The following CATSPERB variants were observed in gnomAD, a reference collection of about 807,000 sequenced individuals.
CATSPERB encodes catsper channel auxiliary subunit beta.
Under a neutral mutation model 128.3 loss-of-function variants are expected in CATSPERB, and 93 were observed. That is an observed-to-expected ratio of 0.72 (90% CI 0.61 to 0.86). The LOEUF (loss-of-function observed/expected upper bound fraction) is 0.86, where lower values mean the gene tolerates loss of function less well. CATSPERB is among the 40% of genes least tolerant of loss of function. The pLI is 0.00. For missense variants in CATSPERB, 1,153 were observed against 1,329.5 expected (o/e 0.87, Z 2.06); for synonymous variants, 381 against 448.8 (o/e 0.85, Z 1.91).
chr14:91,587,390 C>A, intron 25 of CATSPERB, 114 bp from the exon 26 acceptor site: 1 of 577,770 alleles, frequency 1.7e-6, no homozygotes, highest in South Asian at 3.9e-5. Context: ...TGAAAAGATT[C>A]CCATCCTCTT....
At chr14:91,725,918 G>C (rs1800113142) in intron 2 of CATSPERB, among the ~76,000 whole-genome samples, 1 of 152,150 alleles carries the variant, frequency 6.6e-6, no homozygotes, top group Non-Finnish European at 1.5e-5. Flanking sequence ...AGGCCTCAGA[G>C]CAGACTAGTA....
intron 23 of CATSPERB, among the ~76,000 whole-genome samples, chr14:91,590,045 C>T (rs1205501603): frequency 4.6e-5 from 7 of 152,112 alleles, no homozygotes; most frequent in African/African-American, 7.2e-5. Flanking sequence ...TGGGCTCTGG[C>T]GTCAGAACTC....
chr14:91,663,794 C>T, intron 14 of CATSPERB, among the ~76,000 whole-genome samples: 1 of 151,986 alleles, frequency 6.6e-6, no homozygotes, highest in South Asian at 2.1e-4. Context: ...GTAAAAAACA[C>T]ATATCATAAA....
chr14:91,698,150 G>A (rs1185185125), intron 7 of CATSPERB, among the ~76,000 whole-genome samples: 1 of 152,030 alleles, frequency 6.6e-6, no homozygotes, highest in East Asian at 1.9e-4. Context: ...TTGTAAATGG[G>A]ATTGTGCTCT....
intron 15 of CATSPERB, among the ~76,000 whole-genome samples, chr14:91,650,493 A>G (rs1365035033): frequency 1.3e-5 from 2 of 152,214 alleles, no homozygotes; most frequent in African/African-American, 4.8e-5. Context: ...TGGAGGTTCT[A>G]TATTAGAATA....
chr14:91,612,431 A>G (rs1364536512), intron 20 of CATSPERB, among the ~76,000 whole-genome samples: 1 of 152,202 alleles, frequency 6.6e-6, no homozygotes, highest in Non-Finnish European at 1.5e-5. Flanking sequence ...GAACAGAGGT[A>G]TGAGCCACCA....
intron 7 of CATSPERB, among the ~76,000 whole-genome samples, chr14:91,702,105 G>A (rs374787915): frequency 3.3e-5 from 5 of 151,886 alleles, no homozygotes; most frequent in African/African-American, 4.8e-5. Context: ...TAAGACTGGC[G>A]CTTCTCTCCC....
intron 19 of CATSPERB, among the ~76,000 whole-genome samples, chr14:91,618,121 CTTTTT>C (rs2139784415): frequency 6.6e-6 from 1 of 152,210 alleles, no homozygotes; most frequent in African/African-American, 2.4e-5. Flanking sequence ...CATGCCTCCC[CTTTTT>C]AGACTATATA....
chr14:91,708,522 T>C (rs1416445409), intron 5 of CATSPERB, among the ~76,000 whole-genome samples: 1 of 152,174 alleles, frequency 6.6e-6, no homozygotes, highest in East Asian at 1.9e-4. Flanking sequence ...AAAAGCAAAT[T>C]GTGACTCTTC....
At chr14:91,625,030 A>G (rs775885068) in intron 17 of CATSPERB, 23 bp from the exon 18 acceptor site, 27 of 1,502,778 alleles carry the variant, frequency 1.8e-5, no homozygotes, top group Non-Finnish European at 2.3e-5. Context: ...AAAACCATTA[A>G]GCAATTTGGA....
chr14:91,715,424 C>T (rs548989467), intron 5 of CATSPERB, among the ~76,000 whole-genome samples: 3 of 151,642 alleles, frequency 2.0e-5, no homozygotes, highest in Admixed American at 6.6e-5. Flanking sequence ...ATTAGCCAGG[C>T]GCCTGTAATC....
intron 6 of CATSPERB, among the ~76,000 whole-genome samples, chr14:91,707,178 T>C (rs1471113030): frequency 1.3e-5 from 2 of 152,260 alleles, no homozygotes; most frequent in Admixed American, 1.3e-4. Flanking sequence ...TCATTTACTA[T>C]GCTTCAGCAA....
chr14:91,715,478 G>A (rs1895922243), intron 5 of CATSPERB, among the ~76,000 whole-genome samples: 1 of 151,162 alleles, frequency 6.6e-6, no homozygotes, highest in African/African-American at 2.4e-5. Flanking sequence ...CTTGAACTCG[G>A]GAGGCGGAGG....
intron 5 of CATSPERB, chr14:91,715,063 T>A (rs1285543310): frequency 3.3e-5 from 5 of 151,748 alleles, no homozygotes; most frequent in Non-Finnish European, 2.9e-5. Context: ...TGGTTTCCGG[T>A]GCTCTACACA....
chr14:91,594,286 A>T (rs1054659084), intron 22 of CATSPERB, among the ~76,000 whole-genome samples: 2 of 151,062 alleles, frequency 1.3e-5, no homozygotes, highest in Admixed American at 6.6e-5. Flanking sequence ...ATGAGAACAC[A>T]TGGACACAGG....
At chr14:91,669,202 T>G (rs1287232695) in intron 14 of CATSPERB, among the ~76,000 whole-genome samples, 21 of 152,228 alleles carry the variant, frequency 1.4e-4, no homozygotes. Flanking sequence ...AATATAGATA[T>G]TTGAGAAACT....
At chr14:91,688,079 T>G (rs1595179420) in intron 10 of CATSPERB, among the ~76,000 whole-genome samples, 1 of 152,204 alleles carries the variant, frequency 6.6e-6, no homozygotes, top group East Asian at 1.9e-4. Context: ...AGTCCTCTCC[T>G]CATTTTCTTC....
chr14:91,661,953 A>T (rs991718133), intron 14 of CATSPERB, among the ~76,000 whole-genome samples: 1 of 152,200 alleles, frequency 6.6e-6, no homozygotes, highest in African/African-American at 2.4e-5. Flanking sequence ...ATGACCAAAA[A>T]TTTATTTTTA....
At position 91,669,838 on chromosome 14, in the gene CATSPERB, G is replaced by T; in HGVS notation, c.1263C>A (p.His421Gln). 3.1e-6 allele frequency: 5 copies of T among 1,612,676 alleles called. No individual in the cohort carries two copies. Among genetic ancestry groups the T allele is most frequent in the Non-Finnish European group, 4.2e-6 (5 of 1,179,598 alleles). ...PVGMVFHPRS[H>Q]FLYAYGNQIW... ...CCTGATTGCCATAAGCATACAAAAAGTGGCTTCGGGGATGAAATACCATTC... is the reference window on the plus strand; with the variant it reads ...CCTGATTGCCATAAGCATACAAAAATTGGCTTCGGGGATGAAATACCATTC... Residue 421 changes from histidine to glutamine, a missense_variant, in exon 14 of 27, where the codon CAC becomes CAA. Transcript: ENST00000256343.
Sources: gnomAD v4.1 joint callset for allele counts (sites outside exome capture counted in the v4.1 genomes callset) on GRCh38, gnomAD v4.1.1 for gene constraint, MANE v1.5 for transcripts, NCBI Gene and HGNC (gene_info 2026-07-23, HGNC 2026-07-21) for gene names.